RPS6KC1: variants seen among roughly 807,000 people sequenced by gnomAD.
RPS6KC1 encodes the protein ribosomal protein S6 kinase C1, also known as inactive ribosomal protein S6 kinase delta-1.
A neutral mutation model predicts 103.8 loss-of-function variants in RPS6KC1; 54 were observed. The observed-to-expected ratio is 0.52, with a 90% CI of 0.42 to 0.65. The LOEUF (loss-of-function observed/expected upper bound fraction) is 0.65. RPS6KC1 is among the 30% of genes least tolerant of loss of function. RPS6KC1 has a pLI of 0.00. For synonymous variants in RPS6KC1, 439 were observed against 438.7 expected (o/e 1.00, Z -0.01); for missense variants, 1,151 against 1,253.8 (o/e 0.92, Z 1.24).
At chr1:213,628,918 T>G in the RPS6KC1 span, among the ~76,000 whole-genome samples, 1 of 152,222 alleles carries the variant, frequency 6.6e-6, no homozygotes, top group Non-Finnish European at 1.5e-5. Flanking sequence ...AACCCTGAGT[T>G]CTGGTTTGAT....
At chr1:213,132,627 CCTTGGGT>C (rs1426157274) in intron 6 of RPS6KC1, among the ~76,000 whole-genome samples, 7 of 152,110 alleles carry the variant, frequency 4.6e-5, no homozygotes, top group Non-Finnish European at 1.0e-4. Flanking sequence ...AGAGATGTTT[CCTTGGGT>C]AAAGTTTGTT....
At chr1:213,714,946 G>A in the RPS6KC1 span, among the ~76,000 whole-genome samples, 1 of 152,184 alleles carries the variant, frequency 6.6e-6, no homozygotes. Context: ...CTGTAGGGTA[G>A]GAGCAGGAGG....
chr1:213,510,471 A>G, the RPS6KC1 span, among the ~76,000 whole-genome samples: 2 of 152,150 alleles, frequency 1.3e-5, no homozygotes, highest in African/African-American at 4.8e-5. Flanking sequence ...CTAACTTCAT[A>G]TTGTGAAACT....
chr1:213,725,883 C>T, the RPS6KC1 span, among the ~76,000 whole-genome samples: 1 of 152,168 alleles, frequency 6.6e-6, no homozygotes, highest in Non-Finnish European at 1.5e-5. Flanking sequence ...TGAGTGCTGG[C>T]AAATATGTTT....
chr1:213,314,671 T>C, the RPS6KC1 span, among the ~76,000 whole-genome samples: 3 of 151,550 alleles, frequency 2.0e-5, no homozygotes, highest in African/African-American at 7.3e-5. Flanking sequence ...TTTTTTTTTT[T>C]CCTTCTGGGT....
At chr1:213,537,791 A>G in the RPS6KC1 span, among the ~76,000 whole-genome samples, 2 of 152,154 alleles carry the variant, frequency 1.3e-5, no homozygotes, top group African/African-American at 4.8e-5. Context: ...CATAACTTTC[A>G]TGCTTAAAAA....
intron 3 of RPS6KC1, among the ~76,000 whole-genome samples, chr1:213,080,636 A>C (rs1471386828): frequency 6.6e-6 from 1 of 152,162 alleles, no homozygotes; most frequent in Non-Finnish European, 1.5e-5. Context: ...GCAGTGGTGC[A>C]GTCCCACAGC....
chr1:213,475,153 G>A, the RPS6KC1 span, among the ~76,000 whole-genome samples: 1 of 152,200 alleles, frequency 6.6e-6, no homozygotes, highest in Non-Finnish European at 1.5e-5. Context: ...ACGGGGCCGT[G>A]CCATCTTGGA....
chr1:213,807,445 A>G, the RPS6KC1 span, among the ~76,000 whole-genome samples: 1 of 152,160 alleles, frequency 6.6e-6, no homozygotes, highest in Non-Finnish European at 1.5e-5. Flanking sequence ...GTCTTTTCAT[A>G]TAGTCCCATA....
chr1:213,811,568 T>C, the RPS6KC1 span, among the ~76,000 whole-genome samples: 1 of 152,184 alleles, frequency 6.6e-6, no homozygotes, highest in African/African-American at 2.4e-5. Flanking sequence ...AATAACCATC[T>C]GGAGTGATCA....
chr1:213,121,533 C>T (rs1255703126), intron 5 of RPS6KC1, among the ~76,000 whole-genome samples: 3 of 152,134 alleles, frequency 2.0e-5, no homozygotes, highest in Non-Finnish European at 4.4e-5. Context: ...CAACTTATGT[C>T]TTTTCCTTGA....
chr1:213,274,932 A>T (rs975670356), downstream of RPS6KC1, among the ~76,000 whole-genome samples: 1 of 152,130 alleles, frequency 6.6e-6, no homozygotes, highest in African/African-American at 2.4e-5. Flanking sequence ...CTCAAATGGA[A>T]ACTCTGTACC....
At chr1:213,287,358 T>A in the RPS6KC1 span, among the ~76,000 whole-genome samples, 2 of 152,114 alleles carry the variant, frequency 1.3e-5, no homozygotes, top group East Asian at 3.9e-4. Flanking sequence ...GGGCTACTGC[T>A]AGCCTTTATT....
At chr1:213,581,566 C>T in the RPS6KC1 span, among the ~76,000 whole-genome samples, 1 of 152,008 alleles carries the variant, frequency 6.6e-6, no homozygotes, top group African/African-American at 2.4e-5. Context: ...CCCATTGGCT[C>T]CAGGTCTTCT....
the RPS6KC1 span, among the ~76,000 whole-genome samples, chr1:213,793,112 A>G: frequency 6.6e-6 from 1 of 152,110 alleles, no homozygotes; most frequent in Non-Finnish European, 1.5e-5. Flanking sequence ...TCAATTCCCA[A>G]TCTCTTCCCA....
chr1:213,854,562 T>TTCTTTC, the RPS6KC1 span, among the ~76,000 whole-genome samples: 2,944 of 122,282 alleles, frequency 0.024, 90 homozygotes, highest in African/African-American at 0.072. Flanking sequence ...CTTTCTTTCT[T>TTCTTTC]TCTCTCTCTC....
chr1:213,104,603 A>C, intron 4 of RPS6KC1, 34 bp downstream of exon 4: 1 of 1,181,494 alleles, frequency 8.5e-7, no homozygotes, highest in Non-Finnish European at 1.2e-6. Context: ...TTTATATCTT[A>C]TTAAATACTT....
At chr1:213,328,411 C>T in the RPS6KC1 span, among the ~76,000 whole-genome samples, 10 of 150,578 alleles carry the variant, frequency 6.6e-5, no homozygotes, top group African/African-American at 1.7e-4. Context: ...GATGGGTAAG[C>T]GTGGGGCTGA....
At chr1:213,078,472 G>A (rs2079555671) in intron 3 of RPS6KC1, among the ~76,000 whole-genome samples, 1 of 152,022 alleles carries the variant, frequency 6.6e-6, no homozygotes, top group African/African-American at 2.4e-5. Flanking sequence ...CACGATCTTG[G>A]CTTACTGCAG....
Sources: allele counts gnomAD v4.1 joint callset (sites outside exome capture counted in the v4.1 genomes callset), GRCh38; gene constraint gnomAD v4.1.1; transcripts MANE v1.5; gene names NCBI Gene and HGNC (gene_info 2026-07-23, HGNC 2026-07-21).